LTBP1: variants seen among roughly 807,000 people sequenced by gnomAD.
The protein encoded by LTBP1 is latent-transforming growth factor beta-binding protein 1.
In LTBP1, 129 loss-of-function variants were observed where a neutral mutation model predicts 207.6. That is an observed-to-expected ratio of 0.62 (90% CI 0.54 to 0.72). The LOEUF is 0.72. Among genes scored for constraint, LTBP1 ranks in the 30% least tolerant of loss-of-function variants. The pLI is 0.00. For missense variants in LTBP1, 2,281 were observed against 2,217.2 expected, an observed-to-expected ratio of 1.03 and a Z score of -0.58; for synonymous variants, 963 against 833.7, an observed-to-expected ratio of 1.16 and a Z score of -2.67.
At chr2:33,162,602 T>C (rs1182067686) in intron 5 of LTBP1, among the ~76,000 whole-genome samples, 1 of 152,204 alleles carries the variant, frequency 6.6e-6, no homozygotes, top group Non-Finnish European at 1.5e-5. Context: ...ATTGATCAGC[T>C]CATGAGCAGA....
chr2:33,323,507 A>C (rs552841976), intron 24 of LTBP1, among the ~76,000 whole-genome samples: 1 of 152,124 alleles, frequency 6.6e-6, no homozygotes, highest in African/African-American at 2.4e-5. Context: ...ATGTGGTGGC[A>C]CACACCTATA....
intron 3 of LTBP1, among the ~76,000 whole-genome samples, chr2:33,046,855 C>A (rs2149463366): frequency 6.6e-6 from 1 of 152,094 alleles, no homozygotes; most frequent in East Asian, 1.9e-4. Context: ...GTGTATGTGT[C>A]CAGGAATTCA....
rs186897214 is a variant in LTBP1 at position 33,132,775 on chromosome 2, A to C, written c.1034-2018A>C. On this transcript the variant is annotated intron_variant, in intron 4 of 33. Transcript: ENST00000404816. ...GAGGGCTTTCTCCTCCAGAGGAATAATTTTTCTTCTTCTAAGTGAGATGAC... is the reference window on the plus strand; with the variant it reads ...GAGGGCTTTCTCCTCCAGAGGAATACTTTTTCTTCTTCTAAGTGAGATGAC... Among the ~76,000 whole-genome samples the C allele has an allele frequency of 5.3e-4, 80 of 152,200 alleles. 1 individual carries two copies. The highest frequency in any genetic ancestry group is 2.4e-3 in the Admixed American group (36 of 15,290).
intron 19 of LTBP1, among the ~76,000 whole-genome samples, chr2:33,285,589 C>T (rs2093651388): frequency 6.6e-6 from 1 of 151,482 alleles, no homozygotes; most frequent in Admixed American, 6.6e-5. Flanking sequence ...GCTGGGATTA[C>T]AGCTGCATGC....
chr2:33,177,325 A>G (rs4670225), intron 5 of LTBP1, among the ~76,000 whole-genome samples: 83,670 of 152,070 alleles, frequency 0.55, 23,188 homozygotes, highest in Middle Eastern at 0.61. Context: ...TGTGGAGGAT[A>G]TTCTTTGGAG....
At chr2:33,272,873 G>T (rs1459982374) in intron 15 of LTBP1, among the ~76,000 whole-genome samples, 1 of 151,500 alleles carries the variant, frequency 6.6e-6, no homozygotes, top group Non-Finnish European at 1.5e-5. Flanking sequence ...GTTTTTTTTT[G>T]ATGGACTCCA....
At chr2:33,385,031 T>C (rs1421476917) in intron 31 of LTBP1, among the ~76,000 whole-genome samples, 1 of 152,228 alleles carries the variant, frequency 6.6e-6, no homozygotes, top group Non-Finnish European at 1.5e-5. Flanking sequence ...ATGTAAGACA[T>C]TTCTGATTTA....
rs755199459 is a variant in LTBP1 at position 33,360,645 on chromosome 2, A to G, written c.4049A>G (p.Tyr1350Cys). The G allele has an allele frequency of 1.8e-5, 29 of 1,613,716 alleles. No individual in the cohort carries two copies. The highest frequency in any genetic ancestry group is 2.5e-5 in the Non-Finnish European group (29 of 1,179,702). ...CCCAAAGAAGAAAAGAAAGAATGCT[A>G]CTATAATCTCAATGACGCCAGTCTC... ...DQPKEEKKEC[Y>C]YNLNDASLCD... The change falls in exon 27 of 34, where the codon TAC becomes TGC. Residue 1350 changes from tyrosine (Y) to cysteine (C), a missense_variant. Around this residue, in one of 3 missense-constraint regions of LTBP1, gnomAD observed 1,671 missense variants for 1,634.8 expected, o/e 1.02. Transcript: ENST00000404816.
intron 2 of LTBP1, among the ~76,000 whole-genome samples, chr2:32,985,160 C>G (rs1683348857): frequency 6.6e-6 from 1 of 152,078 alleles, no homozygotes; most frequent in Non-Finnish European, 1.5e-5. Flanking sequence ...CTGTTTTCCC[C>G]CGGAACACAG....
intron 4 of LTBP1, among the ~76,000 whole-genome samples, chr2:33,114,313 A>T (rs1423264334): frequency 6.6e-6 from 1 of 152,228 alleles, no homozygotes; most frequent in Non-Finnish European, 1.5e-5. Context: ...TTAGGTAGAT[A>T]TTTATATAGC....
intron 22 of LTBP1, among the ~76,000 whole-genome samples, chr2:33,307,595 G>C (rs2094118800): frequency 6.6e-6 from 1 of 152,184 alleles, no homozygotes; most frequent in Admixed American, 6.5e-5. Context: ...TGACTGGGAT[G>C]GTGGTCACAA....
At chr2:33,110,499 A>G (rs1304088566) in intron 3 of LTBP1, 83 bp from the exon 4 acceptor site, 11 of 1,260,706 alleles carry the variant, frequency 8.7e-6, no homozygotes, top group Non-Finnish European at 1.2e-5. Context: ...TTCTACATTT[A>G]ACTCGTTGCT....
rs554724804 is a variant in LTBP1, at chr2:33,226,676, T to G, written c.1876+4525T>G. Among the ~76,000 whole-genome samples the G allele has an allele frequency of 7.2e-4, 109 of 152,334 alleles. 3 individuals are homozygous for G. In the South Asian group the frequency reaches 0.012, roughly 17 times the overall value. ...TTCTAGAAAATAAGTGGGGAGTTCT[T>G]GGAACCACGTAAGATAACTTCTGGG... is the stretch of plus-strand genomic sequence containing the variant. On this transcript the variant is annotated intron_variant, in intron 9 of 33. Coordinates refer to ENST00000404816, the MANE Select transcript of LTBP1 (RefSeq NM_206943.4).
At chr2:33,057,455 G>C (rs2077057656) in intron 3 of LTBP1, among the ~76,000 whole-genome samples, 1 of 152,218 alleles carries the variant, frequency 6.6e-6, no homozygotes, top group African/African-American at 2.4e-5. Context: ...CAGTCGATGG[G>C]ACTGGGCGCC....
intron 31 of LTBP1, 95 bp downstream of exon 31, chr2:33,365,598 C>G: frequency 8.2e-7 from 1 of 1,222,978 alleles, no homozygotes; most frequent in Non-Finnish European, 1.2e-6. Flanking sequence ...GTATCTTTGC[C>G]TTCACTCCTG....
intron 5 of LTBP1, among the ~76,000 whole-genome samples, chr2:33,149,196 C>T (rs2083296113): frequency 8.0e-6 from 1 of 125,024 alleles, no homozygotes; most frequent in South Asian, 2.5e-4. Flanking sequence ...GCCTGGGTGA[C>T]AGAGCGAGAC....
intron 22 of LTBP1, among the ~76,000 whole-genome samples, chr2:33,308,494 C>A (rs150704961): frequency 1.3e-5 from 2 of 152,124 alleles, no homozygotes; most frequent in African/African-American, 4.8e-5. Flanking sequence ...ATATTCTACC[C>A]TACTGTGAAA....
chr2:32,983,813 A>G (rs924080099), intron 2 of LTBP1, among the ~76,000 whole-genome samples: 4 of 152,224 alleles, frequency 2.6e-5, no homozygotes, highest in East Asian at 1.9e-4. Context: ...CTGTAAGTCA[A>G]TTAAACCTCT....
rs2095365776 is a variant in LTBP1 at position 33,397,119 on chromosome 2, C to T, written c.4835-14C>T. ...TGAGAAGCTCTAACTTAGCTTCTGC[C>T]CTTTCCTTTCCAGGTTTTCTAAATA... is the stretch of plus-strand genomic sequence containing the variant. On this transcript the variant is annotated splice_polypyrimidine_tract_variant and intron_variant, in intron 32 of 33. Transcript: ENST00000404816. 1.9e-6 allele frequency: 3 copies of T among 1,611,722 alleles called. No individual in the cohort carries two copies. The highest frequency in any genetic ancestry group is 2.5e-6 in the Non-Finnish European group (3 of 1,178,512).
Sources: allele counts gnomAD v4.1 joint callset (sites outside exome capture counted in the v4.1 genomes callset), GRCh38; gene constraint gnomAD v4.1.1; regional missense constraint gnomAD v4.1.1; transcripts MANE v1.5; gene names NCBI Gene and HGNC (gene_info 2026-07-23, HGNC 2026-07-21).